Variants in SPMIP2 observed in about 807,000 individuals in gnomAD.
The protein encoded by SPMIP2 is protein SPMIP2.
At chr4:158,946,091 A>G in the SPMIP2 span, among the ~76,000 whole-genome samples, 2 of 152,162 alleles carry the variant, frequency 1.3e-5, no homozygotes, top group African/African-American at 2.4e-5. Context: ...TTTCTCACAC[A>G]CTTTAGATGT....
At chr4:159,036,887 C>T in the SPMIP2 span, among the ~76,000 whole-genome samples, 3 of 152,272 alleles carry the variant, frequency 2.0e-5, no homozygotes, top group East Asian at 3.9e-4. Flanking sequence ...CTCTCTATCT[C>T]TAGCTGAAAG....
chr4:158,912,243 T>G, the SPMIP2 span, among the ~76,000 whole-genome samples: 2 of 152,196 alleles, frequency 1.3e-5, no homozygotes, highest in African/African-American at 4.8e-5. Flanking sequence ...TTTGGGTAAA[T>G]GTATATAAGA....
chr4:158,893,602 A>G, the SPMIP2 span: 3 of 1,061,676 alleles, frequency 2.8e-6, no homozygotes, highest in Non-Finnish European at 4.2e-6. Flanking sequence ...TCCTGGGGCA[A>G]TATGAGAAGC....
the SPMIP2 span, among the ~76,000 whole-genome samples, chr4:159,033,382 C>T: frequency 6.6e-6 from 1 of 152,088 alleles, no homozygotes; most frequent in African/African-American, 2.4e-5. Flanking sequence ...ATGGTGAATA[C>T]ATGGTCCTAT....
At chr4:159,080,622 A>C in the SPMIP2 span, among the ~76,000 whole-genome samples, 80 of 152,348 alleles carry the variant, frequency 5.3e-4, no homozygotes, top group African/African-American at 1.8e-3. Context: ...ATCTCCTCAT[A>C]TGAGTGCCCC....
chr4:159,040,605 A>G, the SPMIP2 span, among the ~76,000 whole-genome samples: 3 of 152,032 alleles, frequency 2.0e-5, no homozygotes, highest in African/African-American at 7.2e-5. Context: ...AGCTGAGATT[A>G]GAGGTGTGTA....
the SPMIP2 span, among the ~76,000 whole-genome samples, chr4:158,930,358 G>A: frequency 1.3e-5 from 2 of 152,008 alleles, no homozygotes; most frequent in African/African-American, 4.8e-5. Flanking sequence ...GACTACAGGT[G>A]CACACGACTT....
At chr4:158,955,401 A>AT in the SPMIP2 span, among the ~76,000 whole-genome samples, 2 of 151,760 alleles carry the variant, frequency 1.3e-5, no homozygotes, top group African/African-American at 2.4e-5. Context: ...CACACCATTA[A>AT]TTTTTTTTGT....
the SPMIP2 span, among the ~76,000 whole-genome samples, chr4:158,954,072 A>G: frequency 6.6e-6 from 1 of 152,202 alleles, no homozygotes; most frequent in Non-Finnish European, 1.5e-5. Flanking sequence ...TTAGGAAGGC[A>G]TGATTGGTTT....
At chr4:158,967,257 A>G in the SPMIP2 span, among the ~76,000 whole-genome samples, 1 of 152,188 alleles carries the variant, frequency 6.6e-6, no homozygotes, top group Non-Finnish European at 1.5e-5. Context: ...GGAGGTTAAT[A>G]TATTATTTTC....
chr4:158,952,385 T>C, the SPMIP2 span, among the ~76,000 whole-genome samples: 2 of 152,218 alleles, frequency 1.3e-5, no homozygotes, highest in Admixed American at 1.3e-4. Flanking sequence ...TAGTCAAGTC[T>C]CACAAGATAT....
At chr4:158,913,572 A>G in the SPMIP2 span, among the ~76,000 whole-genome samples, 1 of 152,200 alleles carries the variant, frequency 6.6e-6, no homozygotes, top group African/African-American at 2.4e-5. Context: ...ATACTCTATC[A>G]ATGTTAAATT....
the SPMIP2 span, among the ~76,000 whole-genome samples, chr4:158,994,504 CATT>C: frequency 1.3e-5 from 2 of 152,180 alleles, no homozygotes; most frequent in African/African-American, 4.8e-5. Flanking sequence ...CTCACAGTTA[CATT>C]ATTTCATTTT....
the SPMIP2 span, among the ~76,000 whole-genome samples, chr4:159,040,525 G>A: frequency 6.6e-6 from 1 of 151,884 alleles, no homozygotes; most frequent in Non-Finnish European, 1.5e-5. Context: ...GAGTGCAGTG[G>A]TGGGACCATA....
the SPMIP2 span, among the ~76,000 whole-genome samples, chr4:158,949,675 C>T: frequency 6.6e-6 from 1 of 152,188 alleles, no homozygotes; most frequent in Non-Finnish European, 1.5e-5. Context: ...TTGTACATCT[C>T]CTTTATTACT....
At chr4:158,976,935 C>A in the SPMIP2 span, among the ~76,000 whole-genome samples, 1 of 152,126 alleles carries the variant, frequency 6.6e-6, no homozygotes, top group Non-Finnish European at 1.5e-5. Context: ...GCTGGGATTA[C>A]AGGCATGAGC....
the SPMIP2 span, among the ~76,000 whole-genome samples, chr4:158,990,897 CAAAT>C: frequency 2.0e-5 from 3 of 152,030 alleles, no homozygotes; most frequent in Admixed American, 2.0e-4. Context: ...GCAGATAGCT[CAAAT>C]AAATTCATTT....
At chr4:159,011,996 C>T in the SPMIP2 span, among the ~76,000 whole-genome samples, 42 of 149,536 alleles carry the variant, frequency 2.8e-4, no homozygotes, top group Middle Eastern at 3.5e-3. Context: ...GCAGAGGTTG[C>T]AGTGAGCCAA....
At chr4:158,964,788 TCATGGCAGAAAAGGAAGCAGG>T in the SPMIP2 span, among the ~76,000 whole-genome samples, 2 of 152,124 alleles carry the variant, frequency 1.3e-5, no homozygotes, top group Non-Finnish European at 2.9e-5. Context: ...AAACTTACAA[TCATGGCAGAAAAGGAAGCAGG>T]CATGTCTTAC....
Sources: allele counts gnomAD v4.1 joint callset (sites outside exome capture counted in the v4.1 genomes callset), GRCh38; gene constraint gnomAD v4.1.1; transcripts MANE v1.5; gene names NCBI Gene and HGNC (gene_info 2026-07-23, HGNC 2026-07-21).